The following TTLL4 variants were observed in gnomAD, a reference collection of about 807,000 sequenced individuals.
TTLL4 encodes tubulin tyrosine ligase like 4, also known as tubulin monoglutamylase TTLL4.
In TTLL4, 85 loss-of-function variants were observed where a neutral mutation model predicts 122.7. That is an observed-to-expected ratio of 0.69 (90% CI 0.58 to 0.83). TTLL4 has a LOEUF of 0.83. Among genes scored for constraint, TTLL4 ranks in the 40% least tolerant of loss-of-function variants. The pLI is 0.00. For synonymous variants in TTLL4, 553 were observed against 563.0 expected, an observed-to-expected ratio of 0.98 and a Z score of 0.25; for missense variants, 1,363 against 1,488.6, an observed-to-expected ratio of 0.92 and a Z score of 1.39.
intron 1 of TTLL4, among the ~76,000 whole-genome samples, chr2:218,722,314 T>G (rs1942066500): frequency 6.6e-6 from 1 of 150,874 alleles, no homozygotes; most frequent in Non-Finnish European, 1.5e-5. Flanking sequence ...GTTTCCAACC[T>G]CATTGGTAGT....
rs754612472 is a variant in TTLL4, at chr2:218,747,670, G to A, written c.2323G>A (p.Asp775Asn). ...LRIYVYVTSYDPLRIYLFSDG... is the reference protein window; with the variant it reads ...LRIYVYVTSYNPLRIYLFSDG... ...GATCTATGTTTATGTCACTTCCTAC[G>A]ATCCTCTGCGGATTTACCTCTTTTC... The change falls in exon 11 of 20, where the codon GAT becomes AAT. Residue 775 changes from aspartate (D) to asparagine (N), a missense_variant. Physicochemically the swap from Asp to Asn is conservative, Grantham distance 23 (BLOSUM62 1). Transcript: ENST00000392102. The surrounding 1 kb of genome is among the most constrained non-coding windows in gnomAD (Gnocchi z 4.7). 2.5e-5 allele frequency: 41 copies of A among 1,614,086 alleles called. No homozygotes were observed. The highest frequency in any genetic ancestry group is 3.0e-5 in the Non-Finnish European group (35 of 1,180,054).
intron 15 of TTLL4, among the ~76,000 whole-genome samples, chr2:218,751,168 C>G (rs1307154681): frequency 2.0e-5 from 1 of 49,666 alleles, no homozygotes; most frequent in Non-Finnish European, 5.3e-5. Flanking sequence ...ATGTTTGGCT[C>G]TGTCCAGTGG....
chr2:218,747,950 G>T lies in TTLL4; in HGVS notation c.2379-155G>T. The T allele has an allele frequency of 8.2e-7, 1 of 1,217,028 alleles. No individual in the cohort carries two copies. The allele number at this position is 1,217,028 out of a possible 1,614,324, so 75.4% of individuals were successfully genotyped here. ...AGATGAGTTTAGCTGTGGTTTTTCA[G>T]AACTTTGCCAGTAGACACACTTCTC... On this transcript the variant is annotated intron_variant, in intron 11 of 19. Transcript: ENST00000392102. The surrounding 1 kb of genome is among the most constrained non-coding windows in gnomAD (Gnocchi z 4.7).
At chr2:218,723,667 A>G (rs1559358856) in intron 1 of TTLL4, among the ~76,000 whole-genome samples, 2 of 152,188 alleles carry the variant, frequency 1.3e-5, no homozygotes, top group East Asian at 3.9e-4. Context: ...TAATAGTACA[A>G]ATTGACATGG....
chr2:218,738,412 A>G lies in TTLL4; in HGVS notation c.736A>G (p.Lys246Glu). Residue 246 changes from lysine to glutamate, a missense_variant, in exon 3 of 20, where the codon AAG becomes GAG. Lys to Glu is a moderately conservative substitution (Grantham distance 56, BLOSUM62 1). Transcript: ENST00000392102. ...GGGCCTGAAGCCAGTATCGCCACCCAAGATCCAGCCTGTCTCCTGGCATCA... is the reference window on the plus strand; with the variant it reads ...GGGCCTGAAGCCAGTATCGCCACCCGAGATCCAGCCTGTCTCCTGGCATCA... ...TQGLKPVSPP[K>E]IQPVSWHHSG... is the part of the protein sequence containing the mutation. 2 of 1,614,114 alleles carry G rather than the reference A, an allele frequency of 1.2e-6. No individual in the cohort carries two copies. Among genetic ancestry groups the G allele is most frequent in the Non-Finnish European group, 1.7e-6 (2 of 1,180,024 alleles).
downstream of TTLL4, among the ~76,000 whole-genome samples, chr2:218,756,686 G>A: frequency 6.6e-6 from 1 of 152,336 alleles, no homozygotes; most frequent in East Asian, 1.9e-4. Context: ...TAAATTGGGA[G>A]TATAGTAGAA....
chr2:218,730,784 A>G (rs4674329), intron 2 of TTLL4, among the ~76,000 whole-genome samples: 74,446 of 151,794 alleles, frequency 0.49, 18,878 homozygotes, highest in African/African-American at 0.58. Context: ...ATTAACAGAT[A>G]GTATTTAAAA....
chr2:218,729,732 CT>C (rs1942302726), intron 2 of TTLL4, among the ~76,000 whole-genome samples: 2 of 126,490 alleles, frequency 1.6e-5, no homozygotes, highest in Admixed American at 1.7e-4. Flanking sequence ...TTAGGATTTT[CT>C]TTTCTCTCTC....
At position 218,737,850 on chromosome 2, in the gene TTLL4, G is replaced by A; in HGVS notation, c.174G>A (p.Lys58=). Residue 58 remains lysine (K), a synonymous_variant, in exon 3 of 20, where the codon AAG becomes AAA. Coordinates refer to ENST00000392102, the MANE Select transcript of TTLL4 (RefSeq NM_014640.5). ...QVKPIWKLEK[K]QVETLSAGLG... is the part of the protein sequence containing the mutation. ...AGCCAATCTGGAAGCTGGAAAAGAA[G>A]CAAGTGGAGACACTGTCAGCAGGGT... is the stretch of plus-strand genomic sequence containing the variant. The A allele has an allele frequency of 1.9e-6, 3 of 1,614,254 alleles. No individual in the cohort carries two copies. The highest frequency in any genetic ancestry group is 1.1e-5 in the South Asian group (1 of 91,086).
chr2:218,759,170 G>C (rs1943198321), downstream of TTLL4, among the ~76,000 whole-genome samples: 1 of 152,216 alleles, frequency 6.6e-6, no homozygotes, highest in Non-Finnish European at 1.5e-5. Flanking sequence ...CTTGAACCCA[G>C]GAGGCAGAAG....
chr2:218,751,498 T>C (rs1487454789), intron 15 of TTLL4: 1 of 527,276 alleles, frequency 1.9e-6, no homozygotes, highest in Non-Finnish European at 2.4e-6. Flanking sequence ...AGCTGGTGGT[T>C]TGTATCCTTT....
intron 15 of TTLL4, 71 bp from the exon 16 acceptor site, chr2:218,751,633 C>A (rs1943016097): frequency 6.4e-7 from 1 of 1,568,616 alleles, no homozygotes; most frequent in Non-Finnish European, 8.6e-7. Flanking sequence ...TGGGCTGGAC[C>A]TCCTCCATAT....
intron 1 of TTLL4, among the ~76,000 whole-genome samples, chr2:218,721,268 G>A (rs1452181619): frequency 6.6e-6 from 1 of 152,010 alleles, no homozygotes; most frequent in East Asian, 1.9e-4. Flanking sequence ...TTAAGAGGTG[G>A]GGTTCTGCCA....
chr2:218,722,996 T>A (rs1010582775), intron 1 of TTLL4, among the ~76,000 whole-genome samples: 1 of 152,232 alleles, frequency 6.6e-6, no homozygotes, highest in South Asian at 2.1e-4. Context: ...ATATTTTTTA[T>A]TGAAGTCTTC....
intron 2 of TTLL4, among the ~76,000 whole-genome samples, chr2:218,728,491 A>T (rs1942259784): frequency 6.6e-6 from 1 of 152,172 alleles, no homozygotes; most frequent in South Asian, 2.1e-4. Context: ...GGTAATGCTT[A>T]CCTAAGTGGT....
chr2:218,716,811 T>C (rs529149659), intron 1 of TTLL4, among the ~76,000 whole-genome samples: 2 of 152,128 alleles, frequency 1.3e-5, no homozygotes, highest in Non-Finnish European at 2.9e-5. Context: ...AAATTTACAC[T>C]GTGCCATCAA....
At chr2:218,758,641 C>A (rs774647360), downstream of TTLL4, among the ~76,000 whole-genome samples, 2 of 152,184 alleles carry the variant, frequency 1.3e-5, no homozygotes, top group Non-Finnish European at 2.9e-5. Context: ...GCAGTTTAAA[C>A]TGCAAGATAC....
Position 218,737,817 on chromosome 2 carries a change from G to A in TTLL4, c.141G>A (p.Gln47=). 6.2e-7 allele frequency: 1 copy of A among 1,614,222 alleles called. No homozygotes were observed. Among genetic ancestry groups the A allele is most frequent in the Non-Finnish European group, 8.5e-7 (1 of 1,180,042 alleles). Residue 47 remains glutamine (Q), a synonymous_variant, in exon 3 of 20, where the codon CAG becomes CAA. Coordinates refer to ENST00000392102, the MANE Select transcript of TTLL4 (RefSeq NM_014640.5). ...SEGRVWPQAH[Q]QVKPIWKLEK... is the part of the protein sequence containing the mutation. ...GCAGAGTCTGGCCTCAGGCCCATCA[G>A]CAAGTGAAGCCAATCTGGAAGCTGG...
chr2:218,725,050 C>G (rs1445757257), intron 1 of TTLL4, among the ~76,000 whole-genome samples: 1 of 152,042 alleles, frequency 6.6e-6, no homozygotes, highest in East Asian at 1.9e-4. Context: ...TAGGCACATG[C>G]CACCACACCC....
Sources: gnomAD v4.1 joint callset for allele counts (sites outside exome capture counted in the v4.1 genomes callset) on GRCh38, gnomAD v4.1.1 for gene constraint, Gnocchi (gnomAD v3.1) non-coding constraint, MANE v1.5 for transcripts, NCBI Gene and HGNC (gene_info 2026-07-23, HGNC 2026-07-21) for gene names.